PAX2: variants seen among roughly 807,000 people sequenced by gnomAD.
The protein encoded by PAX2 is paired box protein Pax-2.
Under a neutral mutation model 41.7 loss-of-function variants are expected in PAX2, and 9 were observed. The ratio of observed to expected loss-of-function variants is 0.22; its 90% CI spans 0.13 to 0.38. The LOEUF (loss-of-function observed/expected upper bound fraction) is 0.38, where lower values mean the gene tolerates loss of function less well. Ranked by LOEUF, PAX2 falls within the 10% of genes least tolerant of loss-of-function variation. The probability of loss-of-function intolerance (pLI) is 1.00; values close to 1 mark genes in which losing one functional copy is unlikely to be tolerated. For synonymous variants in PAX2, 221 were observed against 212.7 expected (o/e 1.04, Z -0.34); for missense variants, 418 against 531.6 (o/e 0.79, Z 2.10).
At chr10:100,754,501 C>A (rs770790249) in intron 3 of PAX2, among the ~76,000 whole-genome samples, 1 of 152,214 alleles carries the variant, frequency 6.6e-6, no homozygotes, top group Non-Finnish European at 1.5e-5. Context: ...GCCTGTTAGG[C>A]TCTAGGTGAG....
chr10:100,762,682 A>G (rs1300073869), intron 3 of PAX2, among the ~76,000 whole-genome samples: 1 of 152,198 alleles, frequency 6.6e-6, no homozygotes, highest in Non-Finnish European at 1.5e-5. Context: ...AAAGTCAAGC[A>G]GGAAAGGAAA....
intron 1 of PAX2, among the ~76,000 whole-genome samples, chr10:100,737,821 C>T (rs1394114012): frequency 6.6e-6 from 1 of 152,204 alleles, no homozygotes; most frequent in Non-Finnish European, 1.5e-5. Context: ...GGCGCGTGAC[C>T]GAACGTGCCT....
intron 5 of PAX2, among the ~76,000 whole-genome samples, chr10:100,788,846 C>T (rs930982186): frequency 2.0e-5 from 3 of 152,026 alleles, no homozygotes; most frequent in Non-Finnish European, 2.9e-5. Flanking sequence ...CTGTTTACCA[C>T]CTAATTCTTG....
At chr10:100,808,656 T>A (rs886890584) in intron 6 of PAX2, among the ~76,000 whole-genome samples, 2 of 151,654 alleles carry the variant, frequency 1.3e-5, no homozygotes, top group East Asian at 3.9e-4. Context: ...TGTTTGTTTT[T>A]AAAAAAGGGG....
intron 3 of PAX2, among the ~76,000 whole-genome samples, chr10:100,762,029 T>C (rs1457188823): frequency 2.6e-5 from 4 of 152,044 alleles, no homozygotes; most frequent in Non-Finnish European, 5.9e-5. Context: ...CCTCTGAAGC[T>C]ATGAGATGAA....
At chr10:100,744,777 G>A (rs11190679), upstream of PAX2, among the ~76,000 whole-genome samples, 12 of 152,348 alleles carry the variant, frequency 7.9e-5, no homozygotes, top group East Asian at 2.3e-3. Flanking sequence ...GGGTCCCACC[G>A]AGGCAGGTGG....
chr10:100,781,174 T>C, intron 4 of PAX2, 72 bp from the exon 5 acceptor site: 1 of 1,520,118 alleles, frequency 6.6e-7, no homozygotes, highest in Non-Finnish European at 9.1e-7. Context: ...CCCCCCAGCC[T>C]TGGGGCTTTG....
rs1848665887 is a variant in PAX2 at position 100,828,506 on chromosome 10, C to G, written c.*887C>G. ...CCTCCTGCCAGTCCTTCGCCTGTCC[C>G]TTGACGCCCTGCATCCTCCTCCCTG... is the stretch of plus-strand genomic sequence containing the variant. On this transcript the variant is annotated 3_prime_UTR_variant, in exon 10 of 10. Transcript: ENST00000355243. The surrounding 1 kb of genome is among the most constrained non-coding windows in gnomAD (Gnocchi z 6.5). 1 of 234,138 alleles carries G rather than the reference C, an allele frequency of 4.3e-6. No individual in the cohort carries two copies. The highest frequency in any genetic ancestry group is 8.4e-6 in the Non-Finnish European group (1 of 118,644). 14.5% of individuals were successfully genotyped at this position (234,138 alleles called of 1,614,324 possible). A position where few individuals can be genotyped will look rare whatever the true frequency, so the allele number is the denominator to read the frequency against.
At chr10:100,783,979 T>C (rs567484545) in intron 5 of PAX2, among the ~76,000 whole-genome samples, 1 of 152,208 alleles carries the variant, frequency 6.6e-6, no homozygotes, top group Admixed American at 6.5e-5. Flanking sequence ...GGTGGAGGCC[T>C]GGCCTATGAG....
At chr10:100,807,666 C>A (rs113629974) in intron 6 of PAX2, among the ~76,000 whole-genome samples, 1 of 152,190 alleles carries the variant, frequency 6.6e-6, no homozygotes, top group Non-Finnish European at 1.5e-5. Context: ...CACCCACATA[C>A]GCTGGGTGGA....
At chr10:100,785,962 C>G (rs991197821) in intron 5 of PAX2, among the ~76,000 whole-genome samples, 5 of 152,174 alleles carry the variant, frequency 3.3e-5, no homozygotes, top group Non-Finnish European at 7.3e-5. Flanking sequence ...CACTTCCTTC[C>G]TGGGGGCTGT....
At chr10:100,799,470 G>A (rs929577228) in intron 5 of PAX2, among the ~76,000 whole-genome samples, 1 of 152,184 alleles carries the variant, frequency 6.6e-6, no homozygotes, top group Admixed American at 6.5e-5. Context: ...CCTTGAGCCT[G>A]CCCAGAACAC....
chr10:100,778,295 A>G (rs1332956013), intron 3 of PAX2, among the ~76,000 whole-genome samples: 1 of 152,170 alleles, frequency 6.6e-6, no homozygotes, highest in African/African-American at 2.4e-5. Context: ...CCCTCTGTTC[A>G]GCGACTTCTT....
intron 7 of PAX2, 45 bp downstream of exon 7, chr10:100,809,281 G>A: frequency 6.3e-7 from 1 of 1,594,072 alleles, no homozygotes; most frequent in South Asian, 1.1e-5. Flanking sequence ...TTCAGTGGAG[G>A]GTGCCTCAGC....
At position 100,772,112 on chromosome 10, in the gene PAX2, T is replaced by TC. The variant is rs1846235630; in HGVS notation, c.411-7384dup. Among the ~76,000 whole-genome samples the TC allele has an allele frequency of 2.0e-5, 3 of 151,548 alleles. No individual in the cohort carries two copies. The South Asian group carries it at 6.3e-4, about 32-fold the overall frequency. On this transcript the variant is annotated intron_variant, in intron 3 of 9. Transcript: ENST00000355243. ...GAGCCACTGTGCCCGGCCACAAATA[T>TC]CCTTTTTAATATCTTTTTTGTGTGT... is the stretch of plus-strand genomic sequence containing the variant.
At chr10:100,807,022 C>T (rs549279867) in intron 6 of PAX2, among the ~76,000 whole-genome samples, 14 of 152,154 alleles carry the variant, frequency 9.2e-5, no homozygotes, top group African/African-American at 2.4e-4. Flanking sequence ...AGAAAGTCTA[C>T]GCTAGACTGG....
intron 5 of PAX2, among the ~76,000 whole-genome samples, chr10:100,805,023 TACACAC>T (rs3978747): frequency 0.26 from 24,707 of 94,534 alleles, 3,419 homozygotes; most frequent in East Asian, 0.38. Context: ...CTCTCTCACA[TACACAC>T]ACACACACAC....
intron 3 of PAX2, among the ~76,000 whole-genome samples, chr10:100,758,968 A>G (rs1845741029): frequency 6.6e-6 from 1 of 152,202 alleles, no homozygotes; most frequent in Non-Finnish European, 1.5e-5. Flanking sequence ...GGAGAGGCAG[A>G]AAGTGAGGAT....
chr10:100,801,968 T>C (rs1465878277), intron 5 of PAX2, among the ~76,000 whole-genome samples: 1 of 152,238 alleles, frequency 6.6e-6, no homozygotes, highest in East Asian at 1.9e-4. Flanking sequence ...CACAGGGTTG[T>C]CGGAAGGATT....
Sources: allele counts gnomAD v4.1 joint callset (sites outside exome capture counted in the v4.1 genomes callset), GRCh38; gene constraint gnomAD v4.1.1; non-coding constraint Gnocchi (gnomAD v3.1); transcripts MANE v1.5; gene names NCBI Gene and HGNC (gene_info 2026-07-23, HGNC 2026-07-21).